Variants in NRXN3 observed in about 807,000 individuals in gnomAD.
NRXN3 encodes neurexin 3, also known as neurexin III.
Under a neutral mutation model 137.6 loss-of-function variants are expected in NRXN3, and 32 were observed. The observed-to-expected ratio is 0.23, with a 90% CI of 0.18 to 0.31. The LOEUF (loss-of-function observed/expected upper bound fraction) is 0.31, where lower values mean the gene tolerates loss of function less well. Ranked by LOEUF, NRXN3 falls within the 10% of genes least tolerant of loss-of-function variation. The pLI is 1.00. For synonymous variants in NRXN3, 798 were observed against 784.5 expected (o/e 1.02, Z -0.29); for missense variants, 1,574 against 2,062.5 (o/e 0.76, Z 4.59).
intron 13 of NRXN3, 134 bp from the exon 14 acceptor site, chr14:78,968,039 T>C (rs2099425212): frequency 7.5e-6 from 2 of 267,318 alleles, no homozygotes; most frequent in Non-Finnish European, 1.3e-5. Flanking sequence ...GCTTATCTCA[T>C]TTATGCTGTC....
intron 4 of NRXN3, among the ~76,000 whole-genome samples, chr14:78,380,600 A>C (rs964631623): frequency 2.6e-5 from 4 of 152,184 alleles, no homozygotes; most frequent in African/African-American, 9.6e-5. Context: ...AGGAATTAAG[A>C]AAAGATTCTT....
In NRXN3 at chr14:79,489,524, C is replaced by T. The variant is rs1284122642; in HGVS notation, c.3444+22122C>T. On this transcript the variant is annotated intron_variant, in intron 16 of 20. Coordinates refer to ENST00000335750, the MANE Select transcript of NRXN3 (RefSeq NM_001330195.2). ...TTAGTATGGAACCACCTACTACAGA[C>T]ACCGGGCTCGTTTCACTCAAAGGAT... 3.3e-5 allele frequency among the ~76,000 whole-genome samples: 5 copies of T among 152,184 alleles called. No individual in the cohort carries two copies. In the South Asian group the frequency reaches 8.3e-4, roughly 25 times the overall value.
intron 4 of NRXN3, among the ~76,000 whole-genome samples, chr14:78,538,014 C>G (rs570122496): frequency 6.6e-6 from 1 of 152,094 alleles, no homozygotes; most frequent in Non-Finnish European, 1.5e-5. Context: ...TTACTATAGC[C>G]TTGTACTATA....
intron 10 of NRXN3, among the ~76,000 whole-genome samples, chr14:78,945,472 G>T (rs2152927400): frequency 6.6e-6 from 1 of 152,130 alleles, no homozygotes; most frequent in East Asian, 1.9e-4. Context: ...ATTTCACTAT[G>T]AGGATTAGTC....
chr14:78,808,739 C>CTCCT (rs1326784525), intron 9 of NRXN3, among the ~76,000 whole-genome samples: 2 of 152,134 alleles, frequency 1.3e-5, no homozygotes, highest in African/African-American at 4.8e-5. Flanking sequence ...AGCATTCTGC[C>CTCCT]TCCTTACTCA....
At chr14:79,666,003 G>T (rs2098555598) in intron 17 of NRXN3, among the ~76,000 whole-genome samples, 2 of 152,082 alleles carry the variant, frequency 1.3e-5, no homozygotes, top group African/African-American at 4.8e-5. Flanking sequence ...CTAGAGTTGG[G>T]ATCTTGGTTT....
intron 4 of NRXN3, among the ~76,000 whole-genome samples, chr14:78,575,881 C>T (rs1270553990): frequency 6.6e-6 from 1 of 152,156 alleles, no homozygotes; most frequent in Non-Finnish European, 1.5e-5. Flanking sequence ...AATTCTCCTA[C>T]TGCAATCTGA....
chr14:79,070,561 C>T (rs1262635202), intron 15 of NRXN3, among the ~76,000 whole-genome samples: 1 of 152,168 alleles, frequency 6.6e-6, no homozygotes, highest in Non-Finnish European at 1.5e-5. Context: ...CCACATTTCT[C>T]TCCCTGTGTG....
At chr14:78,789,845 C>T (rs1297552525) in intron 8 of NRXN3, among the ~76,000 whole-genome samples, 1 of 152,124 alleles carries the variant, frequency 6.6e-6, no homozygotes, top group Admixed American at 6.6e-5. Context: ...TCTTAATTCT[C>T]ATCTATACCT....
At chr14:79,783,451 CT>C (rs1212090200) in intron 19 of NRXN3, among the ~76,000 whole-genome samples, 1 of 152,184 alleles carries the variant, frequency 6.6e-6, no homozygotes, top group Non-Finnish European at 1.5e-5. Flanking sequence ...CAGTCCTGCT[CT>C]TTTCCTGTCC....
chr14:78,789,006 T>G (rs1013973848), intron 8 of NRXN3, among the ~76,000 whole-genome samples: 1 of 152,194 alleles, frequency 6.6e-6, no homozygotes, highest in African/African-American at 2.4e-5. Flanking sequence ...TTTCTTGAAT[T>G]GACTCAGAGC....
intron 8 of NRXN3, among the ~76,000 whole-genome samples, chr14:78,738,767 G>A (rs1405073099): frequency 6.6e-6 from 1 of 151,838 alleles, no homozygotes; most frequent in Non-Finnish European, 1.5e-5. Flanking sequence ...TAACACTGTG[G>A]TGAGGGGTGG....
intron 4 of NRXN3, among the ~76,000 whole-genome samples, chr14:78,308,733 T>C (rs750573963): frequency 6.6e-6 from 1 of 151,898 alleles, no homozygotes; most frequent in Non-Finnish European, 1.5e-5. Context: ...TCAAATACTA[T>C]TGTGTGTGTG....
intron 15 of NRXN3, among the ~76,000 whole-genome samples, chr14:79,418,356 C>T (rs753220661): frequency 1.3e-5 from 2 of 152,076 alleles, no homozygotes; most frequent in Admixed American, 6.6e-5. Flanking sequence ...TTTGATCTGA[C>T]GTTTTGGCTC....
intron 15 of NRXN3, among the ~76,000 whole-genome samples, chr14:79,446,212 G>C (rs1308384031): frequency 4.6e-5 from 7 of 152,092 alleles, no homozygotes; most frequent in African/African-American, 1.4e-4. Flanking sequence ...GACCACTAGG[G>C]CTACTTCAGT....
intron 11 of NRXN3, among the ~76,000 whole-genome samples, 158 bp from the exon 12 acceptor site, chr14:78,965,867 T>G (rs2099416485): frequency 6.6e-6 from 1 of 152,190 alleles, no homozygotes; most frequent in Non-Finnish European, 1.5e-5. Context: ...TGAGGCCAAG[T>G]AAGGTATCTA....
chr14:78,914,268 T>C (rs1314013527), intron 10 of NRXN3, among the ~76,000 whole-genome samples: 1 of 152,210 alleles, frequency 6.6e-6, no homozygotes, highest in Non-Finnish European at 1.5e-5. Context: ...GCTCCAAATA[T>C]GTGCTAAGCA....
intron 10 of NRXN3, among the ~76,000 whole-genome samples, chr14:78,869,449 G>A (rs1004478422): frequency 2.0e-5 from 3 of 151,742 alleles, no homozygotes; most frequent in Non-Finnish European, 2.9e-5. Context: ...TCTTCTAGTT[G>A]CCTACAAGAT....
intron 19 of NRXN3, among the ~76,000 whole-genome samples, chr14:79,755,157 T>A (rs1044825042): frequency 9.2e-5 from 14 of 152,158 alleles, no homozygotes; most frequent in African/African-American, 3.4e-4. Flanking sequence ...GATGACCCAT[T>A]TCTCATTTAT....
Sources: allele counts gnomAD v4.1 joint callset (sites outside exome capture counted in the v4.1 genomes callset), GRCh38; gene constraint gnomAD v4.1.1; transcripts MANE v1.5; gene names NCBI Gene and HGNC (gene_info 2026-07-23, HGNC 2026-07-21).